The following NUCB1 variants were observed in gnomAD, a reference collection of about 807,000 sequenced individuals.
The protein encoded by NUCB1 is nucleobindin-1.
In NUCB1, 47 loss-of-function variants were observed where a neutral mutation model predicts 61.2. The observed-to-expected ratio is 0.77, with a 90% CI of 0.61 to 0.98. NUCB1 has a LOEUF of 0.98. Ranked by LOEUF, NUCB1 falls within the 50% of genes least tolerant of loss-of-function variation. NUCB1 has a pLI of 0.00. For synonymous variants in NUCB1, 234 were observed against 243.1 expected, an observed-to-expected ratio of 0.96 and a Z score of 0.35; for missense variants, 583 against 605.3, an observed-to-expected ratio of 0.96 and a Z score of 0.39.
chr19:48,904,606 C>T, intron 3 of NUCB1, 152 bp downstream of exon 3: 1 of 586,742 alleles, frequency 1.7e-6, no homozygotes, highest in Non-Finnish European at 3.1e-6. Flanking sequence ...CTCACTGCAC[C>T]TCCACCCCGC....
intron 2 of NUCB1, among the ~76,000 whole-genome samples, chr19:48,901,771 TGA>T (rs757316971): frequency 2.2e-4 from 33 of 152,152 alleles, no homozygotes; most frequent in Admixed American, 1.7e-3. Flanking sequence ...CTCTGTTTTC[TGA>T]GACTGTCTCA....
chr19:48,918,934 G>C (rs2037572869), intron 8 of NUCB1, 96 bp from the exon 9 acceptor site: 2 of 1,369,534 alleles, frequency 1.5e-6, no homozygotes, highest in East Asian at 4.8e-5. Context: ...TCCCAGGAGT[G>C]GTAGCGTGCC....
chr19:48,901,725 C>T (rs909059263), intron 2 of NUCB1, among the ~76,000 whole-genome samples: 1 of 152,182 alleles, frequency 6.6e-6, no homozygotes, highest in African/African-American at 2.4e-5. Flanking sequence ...GCCAAGGTCA[C>T]GCCATTGCAC....
chr19:48,922,398 G>A lies in NUCB1; in HGVS notation c.1360G>A (p.Glu454Lys), dbSNP rs762055911. The A allele has an allele frequency of 3.7e-6, 6 of 1,613,812 alleles. No individual in the cohort carries two copies. The Admixed American group carries it at 8.3e-5, about 22-fold the overall frequency. The change falls in exon 13 of 13, where the codon GAG becomes AAG. Residue 454 changes from glutamate to lysine, a missense_variant. Physicochemically the swap from Glu to Lys is moderately conservative, Grantham distance 56. Transcript: ENST00000405315. ...SEKKLLERLPEVEVPQHL is the reference protein window; with the variant it reads ...SEKKLLERLPKVEVPQHL ...AAAGAAACTTCTCGAGCGGCTCCCT[G>A]AGGTTGAGGTGCCCCAGCATCTGTG... is the stretch of plus-strand genomic sequence containing the variant.
Position 48,905,615 on chromosome 19 carries a change from C to T in NUCB1, c.244-138C>T, listed in dbSNP as rs1489362738. On this transcript the variant is annotated intron_variant, in intron 3 of 12. Coordinates refer to ENST00000405315, the MANE Select transcript of NUCB1 (RefSeq NM_006184.6). Reference sequence around the variant, plus strand: ...GCTGACGGGCTGGGAGCTGTCCTTCCTGGAGACTCTGAGGAGCTGGGGGAC... The same window carrying T: ...GCTGACGGGCTGGGAGCTGTCCTTCTTGGAGACTCTGAGGAGCTGGGGGAC... The T allele has an allele frequency of 5.9e-6, 6 of 1,015,924 alleles. No individual in the cohort carries two copies. In the South Asian group the frequency reaches 9.5e-5, roughly 16 times the overall value. 62.9% of individuals were successfully genotyped at this position (1,015,924 alleles called of 1,614,324 possible). A position where few individuals can be genotyped will look rare whatever the true frequency, so the allele number is the denominator to read the frequency against.
intron 4 of NUCB1, among the ~76,000 whole-genome samples, chr19:48,909,272 A>C (rs1389769170): frequency 6.8e-6 from 1 of 147,846 alleles, no homozygotes; most frequent in African/African-American, 2.5e-5. Flanking sequence ...TCCAAGACAG[A>C]GTTTTGCTCT....
chr19:48,903,166 C>G (rs573149878), intron 2 of NUCB1, among the ~76,000 whole-genome samples: 1 of 151,918 alleles, frequency 6.6e-6, no homozygotes, highest in Non-Finnish European at 1.5e-5. Context: ...TTGCTTTTCA[C>G]CACAACTCTG....
intron 2 of NUCB1, chr19:48,901,166 T>A (rs1244717903): frequency 1.3e-5 from 8 of 611,094 alleles, no homozygotes; most frequent in Admixed American, 3.0e-5. Flanking sequence ...TCTGTTTTTT[T>A]AAGATTCTCT....
chr19:48,915,886 C>T (rs1306537153), intron 7 of NUCB1, among the ~76,000 whole-genome samples: 2 of 151,782 alleles, frequency 1.3e-5, no homozygotes, highest in East Asian at 3.9e-4. Flanking sequence ...AGGCCTCAAA[C>T]AATCCTCCTG....
chr19:48,917,267 G>A (rs2037551500), intron 7 of NUCB1, among the ~76,000 whole-genome samples: 1 of 151,992 alleles, frequency 6.6e-6, no homozygotes, highest in Non-Finnish European at 1.5e-5. Flanking sequence ...TTTTAATCAG[G>A]CAGTCCCTAC....
intron 4 of NUCB1, among the ~76,000 whole-genome samples, chr19:48,907,930 G>A (rs2037429876): frequency 6.6e-6 from 1 of 152,152 alleles, no homozygotes; most frequent in African/African-American, 2.4e-5. Context: ...GCTCTCCCGT[G>A]ACATTCTTTC....
intron 5 of NUCB1, 114 bp downstream of exon 5, chr19:48,911,366 T>C (rs1360650314): frequency 1.1e-5 from 8 of 713,194 alleles, no homozygotes; most frequent in Non-Finnish European, 2.0e-5. Flanking sequence ...TTCTCTGAGG[T>C]TGGAGGCTGG....
chr19:48,922,638 C>T lies in NUCB1; in HGVS notation c.*214C>T, dbSNP rs959504205. On this transcript the variant is annotated 3_prime_UTR_variant, in exon 13 of 13. Transcript: ENST00000405315. ...TCTGTGGCTCTTCCCTTCTGTCCTC[C>T]GAGGGGCTTGCCTTCTCTCGTGTCC... 7.4e-6 allele frequency: 4 copies of T among 543,036 alleles called. No homozygotes were observed. The highest frequency in any genetic ancestry group is 2.1e-5 in the South Asian group (1 of 48,598). The allele number at this position is 543,036 out of a possible 1,614,324, so 33.6% of individuals were successfully genotyped here.
chr19:48,921,682 A>G (rs2037611134), intron 11 of NUCB1, 145 bp from the exon 12 acceptor site: 1 of 774,362 alleles, frequency 1.3e-6, no homozygotes, highest in African/African-American at 1.7e-5. Context: ...TGTCAATGAA[A>G]GAGAGAAACT....
chr19:48,910,924 A>T (rs2037464520), intron 4 of NUCB1: 1 of 446,462 alleles, frequency 2.2e-6, no homozygotes, highest in Admixed American at 3.6e-5. Flanking sequence ...CCTGGCATCT[A>T]GTAAGTAGGC....
intron 4 of NUCB1, among the ~76,000 whole-genome samples, chr19:48,909,248 T>A (rs1387729794): frequency 7.5e-6 from 1 of 133,636 alleles, no homozygotes; most frequent in Non-Finnish European, 1.5e-5. Context: ...TTATTATTAT[T>A]ATTTTTTTTT....
intron 3 of NUCB1, among the ~76,000 whole-genome samples, chr19:48,905,538 G>C (rs1357120578): frequency 6.6e-6 from 1 of 152,188 alleles, no homozygotes; most frequent in Non-Finnish European, 1.5e-5. Context: ...CATGTGGCTT[G>C]ATGAATGACA....
rs560211902 is a variant in NUCB1, at chr19:48,906,729, A to C, written c.376+844A>C. On this transcript the variant is annotated intron_variant, in intron 4 of 12. Transcript: ENST00000405315. ...CAGAACAAGATCCCATCTCAAAAAAAAAAAGTTGAAAGAACTTCAAACTTT... is the reference window on the plus strand; with the variant it reads ...CAGAACAAGATCCCATCTCAAAAAACAAAAGTTGAAAGAACTTCAAACTTT... 2.5e-3 allele frequency among the ~76,000 whole-genome samples: 384 copies of C among 152,162 alleles called. 1 individual carries two copies. Among genetic ancestry groups the C allele is most frequent in the Non-Finnish European group, 3.6e-3 (247 of 68,006 alleles).
At position 48,913,087 on chromosome 19, in the gene NUCB1, A is replaced by G; in HGVS notation, c.557A>G (p.Glu186Gly). Residue 186 changes from glutamate to glycine, a missense_variant, in exon 6 of 13, where the codon GAG becomes GGG. Glu to Gly is a moderately conservative substitution (Grantham distance 98). Coordinates refer to ENST00000405315, the MANE Select transcript of NUCB1 (RefSeq NM_006184.6). ...CGCTACGAGATGCTTAAGGAACACG[A>G]GAGACGGCGTTATCTGGAGTCACTG... ...FKRYEMLKEHERRRYLESLGE... is the reference protein window; with the variant it reads ...FKRYEMLKEHGRRRYLESLGE... 2 of 1,613,706 alleles carry G rather than the reference A, an allele frequency of 1.2e-6. No homozygotes were observed. Among genetic ancestry groups the G allele is most frequent in the Non-Finnish European group, 1.7e-6 (2 of 1,179,930 alleles).
Sources: allele counts gnomAD v4.1 joint callset (sites outside exome capture counted in the v4.1 genomes callset), GRCh38; gene constraint gnomAD v4.1.1; transcripts MANE v1.5; gene names NCBI Gene and HGNC (gene_info 2026-07-23, HGNC 2026-07-21).